LPIN2: variants seen among roughly 807,000 people sequenced by gnomAD.
LPIN2 encodes lipin 2.
In LPIN2, 55 loss-of-function variants were observed where a neutral mutation model predicts 111.4. That is an observed-to-expected ratio of 0.49 (90% CI 0.40 to 0.62). The LOEUF (loss-of-function observed/expected upper bound fraction) is 0.62, where lower values mean the gene tolerates loss of function less well. LPIN2 is among the 20% of genes least tolerant of loss of function. The pLI is 0.00. For synonymous variants in LPIN2, 425 were observed against 414.0 expected (o/e 1.03, Z -0.32); for missense variants, 992 against 1,112.1 (o/e 0.89, Z 1.54).
In LPIN2 at chr18:2,931,212, G is replaced by C. The variant is rs1208376954; in HGVS notation, c.1456+44C>G. ...GTAAGTTTTAACCAAGTGATGACCA[G>C]ATTGCTCTCTGAAATGAAGATGGGG... On this transcript the variant is annotated intron_variant, in intron 9 of 19. Transcript: ENST00000677752. The C allele has an allele frequency of 2.5e-6, 4 of 1,596,396 alleles. No homozygotes were observed. In the African/African-American group the frequency reaches 4.0e-5, roughly 16 times the overall value.
At chr18:2,990,785 A>G in intron 1 of LPIN2, 1 of 380,072 alleles carries the variant, frequency 2.6e-6, no homozygotes, top group Non-Finnish European at 5.2e-6. Context: ...AGCCTGACTG[A>G]CAAAATAAGG....
At chr18:2,960,172 A>C (rs1490820200) in intron 2 of LPIN2, among the ~76,000 whole-genome samples, 1 of 88,952 alleles carries the variant, frequency 1.1e-5, no homozygotes, top group Non-Finnish European at 2.4e-5. Flanking sequence ...TCCGACTCAA[A>C]AATGTGTGTG....
At chr18:2,955,949 CAAAA>C (rs1215026435) in intron 2 of LPIN2, among the ~76,000 whole-genome samples, 1 of 151,908 alleles carries the variant, frequency 6.6e-6, no homozygotes, top group Admixed American at 6.6e-5. Context: ...CAAAAACAAA[CAAAA>C]AAACCTCCTA....
chr18:2,952,731 GCT>G (rs1280660844), intron 3 of LPIN2, among the ~76,000 whole-genome samples: 9 of 152,102 alleles, frequency 5.9e-5, no homozygotes, highest in Non-Finnish European at 1.2e-4. Flanking sequence ...CTTACTGAAA[GCT>G]CTTTTTGTTT....
chr18:2,993,923 C>CCT (rs375562240), intron 1 of LPIN2, among the ~76,000 whole-genome samples: 55 of 152,282 alleles, frequency 3.6e-4, no homozygotes, highest in African/African-American at 1.1e-3. Flanking sequence ...CGATGGAACC[C>CCT]CTCTATGGTT....
chr18:2,939,745 T>C, intron 5 of LPIN2, 142 bp from the exon 6 acceptor site: 1 of 842,538 alleles, frequency 1.2e-6, no homozygotes. Flanking sequence ...GGAGCATCAA[T>C]TATTTCTTCC....
chr18:2,937,586 G>T, intron 7 of LPIN2, 106 bp downstream of exon 7: 1 of 712,872 alleles, frequency 1.4e-6, no homozygotes, highest in South Asian at 1.5e-5. Context: ...GACGGGTTTC[G>T]ACTGGTGAAT....
chr18:2,978,691 T>C (rs3897586), intron 1 of LPIN2, among the ~76,000 whole-genome samples: 20,045 of 152,254 alleles, frequency 0.13, 1,863 homozygotes, highest in East Asian at 0.46. Context: ...ACAGTTATTC[T>C]TGGCCTCCAC....
chr18:2,961,506 T>G (rs1308684490), intron 1 of LPIN2, among the ~76,000 whole-genome samples: 1 of 152,120 alleles, frequency 6.6e-6, no homozygotes, highest in Non-Finnish European at 1.5e-5. Context: ...TCTACAAAGT[T>G]CAAAGCACAG....
intron 2 of LPIN2, among the ~76,000 whole-genome samples, chr18:2,954,927 G>A (rs992238305): frequency 6.6e-6 from 1 of 152,132 alleles, no homozygotes; most frequent in Non-Finnish European, 1.5e-5. Context: ...TTATGGCACA[G>A]GCAGGCCTCA....
rs1015024309 is a variant in LPIN2 at position 2,921,666 on chromosome 18, T to C, written c.2328-19A>G. Reference sequence around the variant, plus strand: ...CACTTCTCTAAGAAAAAAATACAAATACAATCACCAATCTCAAAATGGTCG... The same window carrying C: ...CACTTCTCTAAGAAAAAAATACAAACACAATCACCAATCTCAAAATGGTCG... On this transcript the variant is annotated intron_variant, in intron 17 of 19. Coordinates refer to ENST00000677752, the MANE Select transcript of LPIN2 (RefSeq NM_001375808.2). The C allele has an allele frequency of 3.9e-6, 6 of 1,522,722 alleles. No individual in the cohort carries two copies. In the African/African-American group the frequency reaches 5.5e-5, roughly 14 times the overall value. The allele number at this position is 1,522,722 out of a possible 1,614,324, so 94.3% of individuals were successfully genotyped here.
chr18:2,950,106 A>AAAAAC (rs1299078033), intron 4 of LPIN2, among the ~76,000 whole-genome samples: 1 of 152,190 alleles, frequency 6.6e-6, no homozygotes, highest in Non-Finnish European at 1.5e-5. Context: ...GTCTCAATTA[A>AAAAAC]AAAACAAAAC....
chr18:2,998,571 T>A (rs541708808), intron 1 of LPIN2, among the ~76,000 whole-genome samples: 3 of 152,140 alleles, frequency 2.0e-5, no homozygotes, highest in African/African-American at 7.2e-5. Flanking sequence ...ACAACTATTA[T>A]AAAGGAAATA....
At chr18:2,943,453 TGTGTG>T (rs2077397057) in intron 4 of LPIN2, among the ~76,000 whole-genome samples, 2 of 151,130 alleles carry the variant, frequency 1.3e-5, no homozygotes, top group Non-Finnish European at 3.0e-5. Flanking sequence ...TGTGTGTGTG[TGTGTG>T]TATAAATCAA....
chr18:2,989,627 T>C (rs1373699182), intron 1 of LPIN2, among the ~76,000 whole-genome samples: 1 of 121,130 alleles, frequency 8.3e-6, no homozygotes, highest in Non-Finnish European at 1.8e-5. Context: ...ACTTTCAAAG[T>C]TACAGTAATC....
At chr18:2,940,398 T>G (rs1303392724) in intron 5 of LPIN2, among the ~76,000 whole-genome samples, 1 of 152,216 alleles carries the variant, frequency 6.6e-6, no homozygotes, top group African/African-American at 2.4e-5. Flanking sequence ...GATCTACAAC[T>G]GGCCAACACT....
chr18:3,005,499 C>G (rs571606625), intron 1 of LPIN2, among the ~76,000 whole-genome samples: 2 of 152,118 alleles, frequency 1.3e-5, no homozygotes, highest in East Asian at 3.9e-4. Flanking sequence ...GCTGATATAG[C>G]AAGACCCTTA....
intron 2 of LPIN2, among the ~76,000 whole-genome samples, chr18:2,957,927 G>C (rs909343545): frequency 1.3e-5 from 2 of 151,518 alleles, no homozygotes; most frequent in African/African-American, 4.8e-5. Flanking sequence ...AAGGCGGGTG[G>C]ATTACCTGAG....
At chr18:2,942,045 C>T (rs1333342987) in intron 4 of LPIN2, among the ~76,000 whole-genome samples, 4 of 152,210 alleles carry the variant, frequency 2.6e-5, no homozygotes, top group Non-Finnish European at 5.9e-5. Flanking sequence ...ATCCACATCA[C>T]TTAGTTTGCT....
Sources: allele counts gnomAD v4.1 joint callset (sites outside exome capture counted in the v4.1 genomes callset), GRCh38; gene constraint gnomAD v4.1.1; transcripts MANE v1.5; gene names NCBI Gene and HGNC (gene_info 2026-07-23, HGNC 2026-07-21).